The following ANKS1B variants were observed in gnomAD, a reference collection of about 807,000 sequenced individuals.
ANKS1B encodes ankyrin repeat and sterile alpha motif domain containing 1B, also known as ankyrin repeat and sterile alpha motif domain-containing protein 1B.
A neutral mutation model predicts 148.3 loss-of-function variants in ANKS1B; 36 were observed. That is an observed-to-expected ratio of 0.24 (90% CI 0.19 to 0.32). The LOEUF (loss-of-function observed/expected upper bound fraction) is 0.32. Ranked by LOEUF, ANKS1B falls within the 10% of genes least tolerant of loss-of-function variation. The pLI is 1.00. For missense variants in ANKS1B, 1,157 were observed against 1,542.6 expected (o/e 0.75, Z 4.19); for synonymous variants, 542 against 560.8 (o/e 0.97, Z 0.47).
intron 9 of ANKS1B, among the ~76,000 whole-genome samples, chr12:99,603,481 T>C (rs1429469290): frequency 6.6e-6 from 1 of 152,122 alleles, no homozygotes; most frequent in African/African-American, 2.4e-5. Flanking sequence ...GGCTCCATAA[T>C]GTCAACCTTA....
chr12:98,859,972 T>C (rs1343941521), intron 17 of ANKS1B, among the ~76,000 whole-genome samples: 1 of 152,220 alleles, frequency 6.6e-6, no homozygotes, highest in Non-Finnish European at 1.5e-5. Flanking sequence ...AGAAGTTAAA[T>C]TGAATTGATT....
intron 10 of ANKS1B, among the ~76,000 whole-genome samples, chr12:99,504,246 T>G (rs2096684427): frequency 6.6e-6 from 1 of 152,144 alleles, no homozygotes; most frequent in Non-Finnish European, 1.5e-5. Context: ...AGCATCTTCA[T>G]CAAAGCATTA....
At chr12:99,568,199 T>C (rs543896190) in intron 9 of ANKS1B, among the ~76,000 whole-genome samples, 1 of 152,328 alleles carries the variant, frequency 6.6e-6, no homozygotes, top group Admixed American at 6.5e-5. Flanking sequence ...TAGGAGAATC[T>C]GTTTTCTTGC....
At chr12:99,863,210 C>T (rs2090267024) in intron 1 of ANKS1B, among the ~76,000 whole-genome samples, 1 of 152,102 alleles carries the variant, frequency 6.6e-6, no homozygotes, top group Non-Finnish European at 1.5e-5. Flanking sequence ...TCTCCAAAGT[C>T]CAATCATGCA....
chr12:99,820,613 T>C (rs1389337816), intron 2 of ANKS1B, among the ~76,000 whole-genome samples: 1 of 152,026 alleles, frequency 6.6e-6, no homozygotes, highest in Non-Finnish European at 1.5e-5. Context: ...TAGTTACCTC[T>C]GCTAAGTGAG....
At position 98,834,996 on chromosome 12, in the gene ANKS1B, G is replaced by A. The variant is rs187434528; in HGVS notation, c.2779-2860C>T. Among the ~76,000 whole-genome samples, 6 of 151,922 alleles carry A rather than the reference G, an allele frequency of 3.9e-5. No homozygotes were observed. In the South Asian group the frequency reaches 6.2e-4, roughly 16 times the overall value. ...AAATTCCTCCCATAAAATCTTCACC[G>A]CCTTTCTCCCAGCAGGTAGCTGGAC... On this transcript the variant is annotated intron_variant, in intron 17 of 26. Coordinates refer to ENST00000683438, the MANE Select transcript of ANKS1B (RefSeq NM_001352186.2).
At chr12:99,420,317 C>T (rs1286688495) in intron 11 of ANKS1B, among the ~76,000 whole-genome samples, 4 of 151,952 alleles carry the variant, frequency 2.6e-5, no homozygotes, top group Admixed American at 6.6e-5. Flanking sequence ...GCATTTACCA[C>T]GAGGGTTATC....
intron 14 of ANKS1B, among the ~76,000 whole-genome samples, chr12:99,205,653 T>C (rs1338637544): frequency 6.6e-6 from 1 of 152,112 alleles, no homozygotes; most frequent in African/African-American, 2.4e-5. Flanking sequence ...TCAGCTTTCA[T>C]TTGGGGGTTA....
At chr12:99,973,235 C>T (rs1464074728) in intron 1 of ANKS1B, among the ~76,000 whole-genome samples, 1 of 152,190 alleles carries the variant, frequency 6.6e-6, no homozygotes, top group Non-Finnish European at 1.5e-5. Context: ...TTAAGAAATA[C>T]ATTTTGTAAG....
intron 9 of ANKS1B, among the ~76,000 whole-genome samples, chr12:99,599,219 A>T (rs952510188): frequency 7.9e-5 from 12 of 152,144 alleles, no homozygotes; most frequent in Admixed American, 2.0e-4. Flanking sequence ...ACTGGTACCA[A>T]GAATTACATC....
At chr12:99,244,519 C>A in intron 13 of ANKS1B, 105 bp from the exon 14 acceptor site, 1 of 600,760 alleles carries the variant, frequency 1.7e-6, no homozygotes, top group Non-Finnish European at 2.8e-6. Context: ...GATGTTATTA[C>A]CACAGTGTTC....
chr12:99,359,650 G>C (rs1240759744), intron 12 of ANKS1B, among the ~76,000 whole-genome samples: 1 of 151,938 alleles, frequency 6.6e-6, no homozygotes, highest in African/African-American at 2.4e-5. Context: ...ATTTACATAG[G>C]TACCACTCAC....
At chr12:99,287,468 A>G (rs1241974299) in intron 12 of ANKS1B, among the ~76,000 whole-genome samples, 1 of 152,170 alleles carries the variant, frequency 6.6e-6, no homozygotes, top group African/African-American at 2.4e-5. Flanking sequence ...TGCAAAGACT[A>G]CAATAAATAC....
In ANKS1B at chr12:99,124,418, A is replaced by ATGTGTGTGTGTGTGTG. The variant is rs71081900; in HGVS notation, c.2526+29855_2526+29870dup. 4.9e-3 allele frequency among the ~76,000 whole-genome samples: 738 copies of ATGTGTGTGTGTGTGTG among 149,972 alleles called. 6 individuals carry two copies. Among genetic ancestry groups the ATGTGTGTGTGTGTGTG allele is most frequent in the African/African-American group, 0.018 (708 of 40,302 alleles). On this transcript the variant is annotated intron_variant, in intron 15 of 26. Coordinates refer to ENST00000683438, the MANE Select transcript of ANKS1B (RefSeq NM_001352186.2). ...AGCATGCACAAACTTATTTGTGTGC[A>ATGTGTGTGTGTGTGTG]TGTGTGTGTGTGTGTGTATGTGTGT...
At chr12:98,852,882 T>G (rs1199715406) in intron 17 of ANKS1B, among the ~76,000 whole-genome samples, 8 of 152,204 alleles carry the variant, frequency 5.3e-5, no homozygotes, top group Non-Finnish European at 7.3e-5. Context: ...TTCTGTTAAC[T>G]TTCTGCTTCA....
intron 15 of ANKS1B, among the ~76,000 whole-genome samples, chr12:99,132,924 C>G (rs1432414344): frequency 6.6e-6 from 1 of 151,776 alleles, no homozygotes; most frequent in East Asian, 1.9e-4. Context: ...GGTCTTGGAG[C>G]TGGAAACTTA....
At chr12:99,257,783 T>G (rs1412442116) in intron 12 of ANKS1B, among the ~76,000 whole-genome samples, 1 of 152,044 alleles carries the variant, frequency 6.6e-6, no homozygotes, top group Non-Finnish European at 1.5e-5. Context: ...TCAGGGAAGG[T>G]TTTCTGCAGA....
intron 1 of ANKS1B, among the ~76,000 whole-genome samples, chr12:99,873,040 A>G (rs574184042): frequency 6.6e-6 from 1 of 152,280 alleles, no homozygotes; most frequent in East Asian, 1.9e-4. Flanking sequence ...TCTGTGTTTC[A>G]ATTTCCATAT....
At chr12:99,597,295 A>G (rs886951347) in intron 9 of ANKS1B, among the ~76,000 whole-genome samples, 9 of 151,840 alleles carry the variant, frequency 5.9e-5, no homozygotes, top group African/African-American at 2.2e-4. Flanking sequence ...ATTACAACAC[A>G]CTACATTAAA....
Sources: allele counts gnomAD v4.1 joint callset (sites outside exome capture counted in the v4.1 genomes callset), GRCh38; gene constraint gnomAD v4.1.1; transcripts MANE v1.5; gene names NCBI Gene and HGNC (gene_info 2026-07-23, HGNC 2026-07-21).